Variants in BMPR2 observed in about 807,000 individuals in gnomAD.
The protein encoded by BMPR2 is bone morphogenetic protein receptor type 2, also known as bone morphogenetic protein receptor type-2.
BMPR2 carries 29 observed loss-of-function variants against 100.8 expected under a neutral mutation model. The observed-to-expected ratio is 0.29, with a 90% CI of 0.21 to 0.39. The LOEUF is 0.39. Among genes scored for constraint, BMPR2 ranks in the 10% least tolerant of loss-of-function variants. BMPR2 has a pLI of 1.00. For missense variants in BMPR2, 1,011 were observed against 1,274.5 expected (o/e 0.79, Z 3.15); for synonymous variants, 382 against 442.3 (o/e 0.86, Z 1.71).
At chr2:202,436,462 A>C (rs2105935447) in intron 1 of BMPR2, among the ~76,000 whole-genome samples, 1 of 150,688 alleles carries the variant, frequency 6.6e-6, no homozygotes, top group Middle Eastern at 3.4e-3. Context: ...AAAAAACAAC[A>C]ACAGCAGCAA....
intron 3 of BMPR2, among the ~76,000 whole-genome samples, chr2:202,491,695 C>T (rs1574475545): frequency 2.0e-5 from 3 of 152,152 alleles, no homozygotes; most frequent in African/African-American, 7.2e-5. Context: ...TGAGGCACCA[C>T]GCCTGGCCAG....
At chr2:202,391,397 G>A (rs979232801) in intron 1 of BMPR2, among the ~76,000 whole-genome samples, 1 of 149,844 alleles carries the variant, frequency 6.7e-6, no homozygotes, top group African/African-American at 2.5e-5. Flanking sequence ...TCAATCTCCC[G>A]GAAGCTCAAG....
chr2:202,389,799 G>T (rs1040712780), intron 1 of BMPR2, among the ~76,000 whole-genome samples: 2 of 151,490 alleles, frequency 1.3e-5, no homozygotes, highest in Non-Finnish European at 2.9e-5. Flanking sequence ...GTGCCACCAC[G>T]TCCGGCTAAT....
chr2:202,474,374 T>C (rs1692495777), intron 3 of BMPR2, among the ~76,000 whole-genome samples: 1 of 151,128 alleles, frequency 6.6e-6, no homozygotes, highest in Non-Finnish European at 1.5e-5. Flanking sequence ...AATAATCTCT[T>C]GAACCTGGGA....
chr2:202,541,373 G>A (rs1187564485), intron 9 of BMPR2, among the ~76,000 whole-genome samples: 1 of 152,102 alleles, frequency 6.6e-6, no homozygotes, highest in Non-Finnish European at 1.5e-5. Flanking sequence ...AAGTTACAGT[G>A]AGCTATGATA....
chr2:202,549,362 T>C (rs1688432930), intron 10 of BMPR2, among the ~76,000 whole-genome samples: 1 of 152,204 alleles, frequency 6.6e-6, no homozygotes, highest in Admixed American at 6.5e-5. Flanking sequence ...ATTTGACTTA[T>C]TTCCAGTTTC....
At chr2:202,443,706 G>A (rs1458377329) in intron 1 of BMPR2, among the ~76,000 whole-genome samples, 1 of 150,308 alleles carries the variant, frequency 6.7e-6, no homozygotes. Flanking sequence ...TGGGATTACA[G>A]GCATGTGCCA....
At chr2:202,558,935 A>G (rs577442911) in intron 12 of BMPR2, among the ~76,000 whole-genome samples, 1 of 152,008 alleles carries the variant, frequency 6.6e-6, no homozygotes, top group South Asian at 2.1e-4. Context: ...AGGAAGAGGA[A>G]ATTATTAGAA....
chr2:202,377,595 T>C, intron 1 of BMPR2, 45 bp downstream of exon 1: 2 of 1,606,428 alleles, frequency 1.2e-6, no homozygotes, highest in South Asian at 2.2e-5. Context: ...CCCCTGCGGG[T>C]GGCGAGGGAG....
At position 202,535,056 on chromosome 2, in the gene BMPR2, C is replaced by T. The variant is rs1204115877; in HGVS notation, c.1276+2324C>T. On this transcript the variant is annotated intron_variant, in intron 9 of 12. Coordinates refer to ENST00000374580, the MANE Select transcript of BMPR2 (RefSeq NM_001204.7). ...GTGGCTGACCCCCCCACCTCCCTCC[C>T]GGACAGGTCGGCTGGCCTGGCTGGG... Among the ~76,000 whole-genome samples the T allele has an allele frequency of 5.6e-5, 8 of 143,732 alleles. 2 individuals carry two copies. The highest frequency in any genetic ancestry group is 1.2e-4 in the Non-Finnish European group (8 of 65,232). The allele number at this position is 143,732 out of a possible 152,430, so 94.3% of individuals were successfully genotyped here. A position where few individuals can be genotyped will look rare whatever the true frequency, so the allele number is the denominator to read the frequency against.
intron 12 of BMPR2, among the ~76,000 whole-genome samples, chr2:202,558,496 C>A (rs1688622823): frequency 6.6e-6 from 1 of 152,166 alleles, no homozygotes; most frequent in Non-Finnish European, 1.5e-5. Flanking sequence ...AGGAAGGATA[C>A]AGGTCTCAAA....
At chr2:202,498,537 A>G (rs963503032) in intron 3 of BMPR2, among the ~76,000 whole-genome samples, 12 of 152,010 alleles carry the variant, frequency 7.9e-5, no homozygotes, top group African/African-American at 2.7e-4. Flanking sequence ...GGTGAGCACA[A>G]CTATTCCGAT....
At chr2:202,516,537 G>T (rs1038316318) in intron 5 of BMPR2, among the ~76,000 whole-genome samples, 1 of 152,166 alleles carries the variant, frequency 6.6e-6, no homozygotes, top group African/African-American at 2.4e-5. Flanking sequence ...AATTAGCTGG[G>T]TGTGGTGGCA....
intron 1 of BMPR2, among the ~76,000 whole-genome samples, chr2:202,401,797 C>T (rs1241601886): frequency 2.0e-5 from 3 of 152,092 alleles, no homozygotes; most frequent in Admixed American, 6.6e-5. Flanking sequence ...TAATAATTAA[C>T]CCAGCTTCTT....
In BMPR2 at chr2:202,386,583, TCTTA is replaced by T. The variant is rs370681592; in HGVS notation, c.76+9037_76+9040del. Among the ~76,000 whole-genome samples the T allele has an allele frequency of 6.6e-4, 100 of 152,330 alleles. 1 individual carries two copies. Among genetic ancestry groups the T allele is most frequent in the African/African-American group, 2.3e-3 (97 of 41,574 alleles). ...CCTTAATCTAAAAGCCACTATCTTC[TCTTA>T]CTTGTACTTTTTTACTAGACTCTGT... On this transcript the variant is annotated intron_variant, in intron 1 of 12. Coordinates refer to ENST00000374580, the MANE Select transcript of BMPR2 (RefSeq NM_001204.7).
chr2:202,402,698 GCT>G (rs1690790106), intron 1 of BMPR2, among the ~76,000 whole-genome samples: 1 of 148,246 alleles, frequency 6.7e-6, no homozygotes, highest in South Asian at 2.1e-4. Flanking sequence ...ACAGAGTCTT[GCT>G]CTGTCACTCA....
At chr2:202,524,939 G>C (rs1400918711) in intron 7 of BMPR2, among the ~76,000 whole-genome samples, 1 of 151,958 alleles carries the variant, frequency 6.6e-6, no homozygotes, top group Non-Finnish European at 1.5e-5. Flanking sequence ...TGCTTGGGAG[G>C]CTGAGGCAGG....
At position 202,535,252 on chromosome 2, in the gene BMPR2, G is replaced by A. The variant is rs189839195; in HGVS notation, c.1276+2520G>A. Among the ~76,000 whole-genome samples, 673 of 152,116 alleles carry A rather than the reference G, an allele frequency of 4.4e-3. 2 individuals are homozygous for A. Among genetic ancestry groups the A allele is most frequent in the African/African-American group, 0.015 (608 of 41,532 alleles). ...AGACACTCCTCACTTCCCAGACGGA[G>A]CGGCTGCTGGGCGGAGAGGCTCCTC... On this transcript the variant is annotated intron_variant, in intron 9 of 12. Transcript: ENST00000374580.
At chr2:202,545,087 AC>A in intron 10 of BMPR2, among the ~76,000 whole-genome samples, 1 of 148,482 alleles carries the variant, frequency 6.7e-6, no homozygotes, top group Middle Eastern at 3.6e-3. Flanking sequence ...ATTATTTCTT[AC>A]CTTTCAATTC....
Sources: allele counts gnomAD v4.1 joint callset (sites outside exome capture counted in the v4.1 genomes callset), GRCh38; gene constraint gnomAD v4.1.1; transcripts MANE v1.5; gene names NCBI Gene and HGNC (gene_info 2026-07-23, HGNC 2026-07-21).